The following CREB5 variants were observed in gnomAD, a reference collection of about 807,000 sequenced individuals.
The protein encoded by CREB5 is cAMP responsive element binding protein 5, also known as cyclic AMP-responsive element-binding protein 5.
Under a neutral mutation model 57.1 loss-of-function variants are expected in CREB5, and 19 were observed. The observed-to-expected ratio is 0.33, with a 90% CI of 0.23 to 0.49. The LOEUF is 0.49. Among genes scored for constraint, CREB5 ranks in the 20% least tolerant of loss-of-function variants. The probability of loss-of-function intolerance (pLI) is 0.99; values close to 1 mark genes in which losing one functional copy is unlikely to be tolerated. For missense variants in CREB5, 579 were observed against 671.6 expected, an observed-to-expected ratio of 0.86 and a Z score of 1.52; for synonymous variants, 238 against 238.3, an observed-to-expected ratio of 1.00 and a Z score of 0.01.
chr7:28,535,708 T>C (rs908612545), intron 4 of CREB5, among the ~76,000 whole-genome samples: 1 of 151,604 alleles, frequency 6.6e-6, no homozygotes, highest in African/African-American at 2.4e-5. Context: ...AGAGAAGTAA[T>C]GGAAAGGAGA....
At chr7:28,555,107 C>T (rs200343927) in intron 4 of CREB5, among the ~76,000 whole-genome samples, 3 of 20,108 alleles carry the variant, frequency 1.5e-4, no homozygotes, top group Admixed American at 1.4e-3. Context: ...CTATAAGCTG[C>T]ATTGTGTGTG....
intron 7 of CREB5, among the ~76,000 whole-genome samples, chr7:28,786,669 A>C (rs1014449677): frequency 2.0e-5 from 3 of 152,210 alleles, no homozygotes; most frequent in Admixed American, 2.0e-4. Context: ...TTGACTAAGA[A>C]AATGTTGAGT....
At chr7:28,757,005 A>G (rs1805356214) in intron 7 of CREB5, among the ~76,000 whole-genome samples, 1 of 152,206 alleles carries the variant, frequency 6.6e-6, no homozygotes, top group South Asian at 2.1e-4. Flanking sequence ...CATATTGTTT[A>G]TAGGTACCAA....
chr7:28,515,721 T>C (rs192679585), intron 4 of CREB5, among the ~76,000 whole-genome samples: 1 of 152,274 alleles, frequency 6.6e-6, no homozygotes, highest in Non-Finnish European at 1.5e-5. Flanking sequence ...ATTTTCCGTT[T>C]CTATTACCTC....
chr7:28,323,340 C>G (rs915383524), intron 1 of CREB5, among the ~76,000 whole-genome samples: 2 of 152,180 alleles, frequency 1.3e-5, no homozygotes, highest in Non-Finnish European at 2.9e-5. Flanking sequence ...CTTTTCCATG[C>G]TTCAAAATTA....
intron 5 of CREB5, among the ~76,000 whole-genome samples, chr7:28,661,215 C>G (rs1411989038): frequency 6.6e-6 from 1 of 152,138 alleles, no homozygotes; most frequent in South Asian, 2.1e-4. Flanking sequence ...AAGCCTTCTT[C>G]AATTGCTTCC....
chr7:28,395,789 C>T (rs1245757611), intron 1 of CREB5, among the ~76,000 whole-genome samples: 1 of 151,846 alleles, frequency 6.6e-6, no homozygotes, highest in East Asian at 1.9e-4. Flanking sequence ...TTTTTTCTTT[C>T]TTTCTTTCTT....
chr7:28,570,809 G>A (rs1344705300), intron 5 of CREB5, among the ~76,000 whole-genome samples: 1 of 152,042 alleles, frequency 6.6e-6, no homozygotes, highest in Non-Finnish European at 1.5e-5. Context: ...ACTTTAAGAT[G>A]ACTGTGGGAA....
At chr7:28,544,927 T>C (rs573035126) in intron 4 of CREB5, among the ~76,000 whole-genome samples, 1 of 152,316 alleles carries the variant, frequency 6.6e-6, no homozygotes, top group Non-Finnish European at 1.5e-5. Flanking sequence ...GGTGAATGCC[T>C]CTGCCAGAGT....
At chr7:28,303,541 A>G (rs569464025) in intron 1 of CREB5, among the ~76,000 whole-genome samples, 2 of 152,330 alleles carry the variant, frequency 1.3e-5, no homozygotes, top group South Asian at 4.1e-4. Context: ...ATACATGAAC[A>G]CCTAATAAAT....
intron 1 of CREB5, among the ~76,000 whole-genome samples, chr7:28,423,894 T>C (rs1788383856): frequency 6.6e-6 from 1 of 152,180 alleles, no homozygotes; most frequent in Non-Finnish European, 1.5e-5. Context: ...GTCTAGGGCA[T>C]GGCCAGGAGT....
Position 28,570,414 on chromosome 7 carries a change from C to T in CREB5, c.341C>T (p.Thr114Ile), listed in dbSNP as rs776313239. ...GGTGGGGCCATGACGGGGCCCGGAA[C>T]TCACCAGCTTAGCAGCGCTCGGCTG... ...AVGGAMTGPG[T>I]HQLSSARLPN... The change falls in exon 5 of 11, where the codon ACT becomes ATT. Residue 114 changes from threonine to isoleucine, a missense_variant. By Grantham distance (89) the Thr-to-Ile change is moderately conservative. Coordinates refer to ENST00000357727, the MANE Select transcript of CREB5 (RefSeq NM_182898.4). 5.6e-6 allele frequency: 9 copies of T among 1,614,032 alleles called. No individual in the cohort carries two copies. The highest frequency in any genetic ancestry group is 1.6e-4 in the Middle Eastern group (1 of 6,084).
chr7:28,494,562 G>T (rs1407814086), intron 2 of CREB5, among the ~76,000 whole-genome samples: 1 of 152,156 alleles, frequency 6.6e-6, no homozygotes, highest in East Asian at 1.9e-4. Flanking sequence ...TTCAAAAAAA[G>T]TTCCCAGGGA....
Position 28,825,730 on chromosome 7 carries a change from G to A in CREB5, c.*6451G>A, listed in dbSNP as rs765214520. 3.3e-5 allele frequency: 5 copies of A among 152,506 alleles called. No individual in the cohort carries two copies. Among genetic ancestry groups the A allele is most frequent in the Non-Finnish European group, 5.9e-5 (4 of 67,992 alleles). The allele number at this position is 152,506 out of a possible 1,614,324, so 9.4% of individuals were successfully genotyped here. A position where few individuals can be genotyped will look rare whatever the true frequency, so the allele number is the denominator to read the frequency against. ...TTTGTGTTAAGCTTTTTGTTGCATC[G>A]TGAACACATTTATTGTTACCAATGG... On this transcript the variant is annotated 3_prime_UTR_variant, in exon 11 of 11. Coordinates refer to ENST00000357727, the MANE Select transcript of CREB5 (RefSeq NM_182898.4).
chr7:28,625,966 T>C (rs1797983843), intron 5 of CREB5, among the ~76,000 whole-genome samples: 1 of 152,252 alleles, frequency 6.6e-6, no homozygotes, highest in Admixed American at 6.5e-5. Flanking sequence ...TTAGGTACCA[T>C]ATGCTTTTCT....
chr7:28,819,107 TC>T lies in CREB5; in HGVS notation c.1364-8del. The T allele has an allele frequency of 6.2e-7, 1 of 1,609,024 alleles. No homozygotes were observed. Among genetic ancestry groups the T allele is most frequent in the Non-Finnish European group, 8.5e-7 (1 of 1,178,050 alleles). On this transcript the variant is annotated splice_region_variant and splice_polypyrimidine_tract_variant and intron_variant, in intron 10 of 10. Coordinates refer to ENST00000357727, the MANE Select transcript of CREB5 (RefSeq NM_182898.4). ...TATGTGTGTGTGTTGTCTTTTTTTT[TC>T]TCCCTAGGTCCAGAGAGTAGCCCTC...
intron 1 of CREB5, among the ~76,000 whole-genome samples, chr7:28,394,876 T>C (rs1350273813): frequency 6.6e-6 from 1 of 152,210 alleles, no homozygotes; most frequent in Non-Finnish European, 1.5e-5. Flanking sequence ...AATAAAATAA[T>C]TATCTTATTT....
intron 5 of CREB5, among the ~76,000 whole-genome samples, chr7:28,577,536 C>A (rs1795950455): frequency 6.6e-6 from 1 of 152,098 alleles, no homozygotes; most frequent in Non-Finnish European, 1.5e-5. Context: ...ATTCTGTTAC[C>A]CAGGAATTAA....
chr7:28,410,925 C>T (rs1787762946), upstream of CREB5, among the ~76,000 whole-genome samples: 1 of 152,046 alleles, frequency 6.6e-6, no homozygotes, highest in Non-Finnish European at 1.5e-5. Flanking sequence ...TTCCCAGCCC[C>T]TCCCTCTCCA....
Sources: gnomAD v4.1 joint callset for allele counts (sites outside exome capture counted in the v4.1 genomes callset) on GRCh38, gnomAD v4.1.1 for gene constraint, MANE v1.5 for transcripts, NCBI Gene and HGNC (gene_info 2026-07-23, HGNC 2026-07-21) for gene names.